PDGFRA: variants seen among roughly 807,000 people sequenced by gnomAD.
The protein encoded by PDGFRA is platelet-derived growth factor receptor alpha.
A neutral mutation model predicts 121.5 loss-of-function variants in PDGFRA; 25 were observed. The ratio of observed to expected loss-of-function variants is 0.21; its 90% CI spans 0.15 to 0.29. PDGFRA has a LOEUF of 0.29. Ranked by LOEUF, PDGFRA falls within the 10% of genes least tolerant of loss-of-function variation. PDGFRA has a pLI of 1.00. For missense variants in PDGFRA, 1,008 were observed against 1,345.1 expected (o/e 0.75, Z 3.92); for synonymous variants, 463 against 494.8 (o/e 0.94, Z 0.85).
chr4:54,291,513 A>G (rs1724629656), intron 22 of PDGFRA, among the ~76,000 whole-genome samples: 1 of 62,502 alleles, frequency 1.6e-5, no homozygotes, highest in South Asian at 5.1e-4. Flanking sequence ...TGCAGCCAAC[A>G]AGCATATGAA....
Position 54,261,103 on chromosome 4 carries a change from C to A in PDGFRA, c.58C>A (p.Leu20Ile). The change falls in exon 3 of 23, where the codon CTA becomes ATA. Residue 20 changes from leucine (L) to isoleucine (I), a missense_variant. Leu to Ile is a conservative substitution (Grantham distance 5). This residue lies in a region of PDGFRA where 575 missense variants were observed against 701.8 expected (regional missense o/e 0.82). Transcript: ENST00000257290. ...VLGCLLTGLS[L>I]ILCQLSLPSI... ...CGTGCTTCCTTTTGCAGGGCTGAGC[C>A]TAATCCTCTGCCAGCTTTCATTACC... 1.9e-6 allele frequency: 3 copies of A among 1,614,040 alleles called. No homozygotes were observed. Among genetic ancestry groups the A allele is most frequent in the Non-Finnish European group, 2.5e-6 (3 of 1,179,892 alleles).
intron 1 of PDGFRA, among the ~76,000 whole-genome samples, chr4:54,253,506 A>T (rs1005703329): frequency 2.6e-5 from 4 of 152,198 alleles, no homozygotes; most frequent in African/African-American, 9.6e-5. Context: ...TCAACAGAGC[A>T]GGGGTCTCTT....
intron 7 of PDGFRA, 151 bp from the exon 8 acceptor site, chr4:54,270,482 T>A (rs1723279249): frequency 1.6e-6 from 1 of 616,304 alleles, no homozygotes; most frequent in Non-Finnish European, 2.9e-6. Context: ...CACTATATAT[T>A]GAGAATTCCA....
At chr4:54,286,784 G>A (rs929440526) in intron 18 of PDGFRA, among the ~76,000 whole-genome samples, 2 of 152,154 alleles carry the variant, frequency 1.3e-5, no homozygotes, top group Non-Finnish European at 1.5e-5. Context: ...AAATAGATTG[G>A]AACCATTTGG....
At chr4:54,246,531 A>T (rs1024561666) in intron 1 of PDGFRA, among the ~76,000 whole-genome samples, 3 of 152,216 alleles carry the variant, frequency 2.0e-5, no homozygotes, top group Non-Finnish European at 4.4e-5. Context: ...GAACAAAGAC[A>T]CAACATACCA....
intron 1 of PDGFRA, among the ~76,000 whole-genome samples, chr4:54,242,713 T>C (rs1721375715): frequency 6.6e-6 from 1 of 152,186 alleles, no homozygotes; most frequent in African/African-American, 2.4e-5. Context: ...ATTCTGTCTT[T>C]TTACCCCCTT....
At chr4:54,235,194 C>T (rs1720943330) in intron 1 of PDGFRA, among the ~76,000 whole-genome samples, 1 of 152,150 alleles carries the variant, frequency 6.6e-6, no homozygotes, top group Admixed American at 6.5e-5. Context: ...TTAACTGAGC[C>T]TCGGAAATCT....
Position 54,289,009 on chromosome 4 carries a change from C to A in PDGFRA, c.2775C>A (p.Val925=). 1 of 1,601,258 alleles carries A rather than the reference C, an allele frequency of 6.2e-7. No homozygotes were observed. Among genetic ancestry groups the A allele is most frequent in the South Asian group, 1.1e-5 (1 of 90,840 alleles). ...MAKPDHATSE[V]YEIMVKCWNS... ...CCACTCTTGAGTTCTGTCCCCACAG[C>A]TACGAGATCATGGTGAAATGCTGGA... Residue 925 remains valine, a splice_region_variant and synonymous_variant, in exon 21 of 23, where the codon GTC becomes GTA. Transcript: ENST00000257290.
rs149659832 is a variant in PDGFRA at position 54,280,424 on chromosome 4, C to G, written c.2265C>G (p.Ser755=). 1.9e-6 allele frequency: 3 copies of G among 1,613,600 alleles called. No individual in the cohort carries two copies. The highest frequency in any genetic ancestry group is 2.5e-6 in the Non-Finnish European group (3 of 1,179,550). ...AAAGGAAAGAGGTTTCTAAATATTC[C>G]GACATCCAGAGATCACTCTATGATC... ...MLERKEVSKY[S]DIQRSLYDRP... The change falls in exon 16 of 23, where the codon TCC becomes TCG. Residue 755 remains serine (S), a synonymous_variant. Transcript: ENST00000257290.
rs2110316750 is a variant in PDGFRA, at chr4:54,278,494, C to G, written c.2135C>G (p.Pro712Arg). The G allele has an allele frequency of 6.2e-7, 1 of 1,614,056 alleles. No individual in the cohort carries two copies. Among genetic ancestry groups the G allele is most frequent in the Admixed American group, 1.7e-5 (1 of 60,016 alleles). Residue 712 changes from proline to arginine, a missense_variant, in exon 15 of 23, where the codon CCT (proline) becomes CGT (arginine). This residue lies in a region of PDGFRA where 128 missense variants were observed against 147.6 expected (regional missense o/e 0.87). Transcript: ENST00000257290. ...GAGCTGGATATCTTTGGATTGAACC[C>G]TGCTGATGAAAGCACACGGAGGTGG... is the stretch of plus-strand genomic sequence containing the variant. ...KKELDIFGLN[P>R]ADESTRSYVI...
rs1427891650 is a variant in PDGFRA at position 54,279,580 on chromosome 4, T to TG, written c.2157-732dup. Among the ~76,000 whole-genome samples, 5 of 152,196 alleles carry TG rather than the reference T, an allele frequency of 3.3e-5. No homozygotes were observed. In the East Asian group the frequency reaches 9.6e-4, roughly 29 times the overall value. On this transcript the variant is annotated intron_variant, in intron 15 of 22. Transcript: ENST00000257290. ...AAATTTTTTTATTTCCATAGGTTTT[T>TG]GGGGAACAAGTGGTATTTGGTTACA...
chr4:54,278,788 CAT>C, intron 15 of PDGFRA: 2 of 593,848 alleles, frequency 3.4e-6, no homozygotes, highest in Non-Finnish European at 6.3e-6. Context: ...CTGCTATTTA[CAT>C]GTGATCCACT....
chr4:54,231,024 G>C (rs961403340), intron 1 of PDGFRA, among the ~76,000 whole-genome samples: 1 of 152,220 alleles, frequency 6.6e-6, no homozygotes, highest in Non-Finnish European at 1.5e-5. Flanking sequence ...CCAGGTGTGC[G>C]AGAGCTGCCG....
At chr4:54,229,483 A>G (rs908183260) in intron 1 of PDGFRA, 68 bp downstream of exon 1, 8 of 395,126 alleles carry the variant, frequency 2.0e-5, no homozygotes, top group African/African-American at 1.5e-4. Flanking sequence ...GGGACTGGAG[A>G]AAGCGAAGTA....
At chr4:54,232,044 G>A (rs758705485) in intron 1 of PDGFRA, among the ~76,000 whole-genome samples, 4 of 152,360 alleles carry the variant, frequency 2.6e-5, no homozygotes, top group Non-Finnish European at 5.9e-5. Flanking sequence ...GGTGGCCAGC[G>A]CCTTCCTGCA....
intron 4 of PDGFRA, chr4:54,264,568 G>A: frequency 3.0e-6 from 1 of 334,130 alleles, no homozygotes; most frequent in Non-Finnish European, 5.7e-6. Context: ...AGTGTCTAGA[G>A]CAGTGTGGAT....
chr4:54,273,450 C>T (rs2110290806), intron 9 of PDGFRA, 87 bp from the exon 10 acceptor site: 2 of 1,054,818 alleles, frequency 1.9e-6, no homozygotes, highest in Non-Finnish European at 3.0e-6. Context: ...GTCCCAACTC[C>T]TTGCCATCTT....
At chr4:54,284,426 G>T (rs1724210101) in intron 16 of PDGFRA, among the ~76,000 whole-genome samples, 1 of 152,110 alleles carries the variant, frequency 6.6e-6, no homozygotes, top group African/African-American at 2.4e-5. Flanking sequence ...AAGAAAAGAG[G>T]TTTCATTGGC....
intron 1 of PDGFRA, 100 bp downstream of exon 1, chr4:54,229,515 G>T: frequency 1.6e-5 from 5 of 322,458 alleles, no homozygotes; most frequent in Non-Finnish European, 2.2e-5. Flanking sequence ...TGGGCGACAA[G>T]AAAAAAAAAA....
Sources: gnomAD v4.1 joint callset for allele counts (sites outside exome capture counted in the v4.1 genomes callset) on GRCh38, gnomAD v4.1.1 for gene constraint, gnomAD v4.1.1 regional missense constraint, MANE v1.5 for transcripts, NCBI Gene and HGNC (gene_info 2026-07-23, HGNC 2026-07-21) for gene names.